The following PLCB1 variants were observed in gnomAD, a reference collection of about 807,000 sequenced individuals.
PLCB1 encodes 1-phosphatidylinositol 4,5-bisphosphate phosphodiesterase beta-1.
A neutral mutation model predicts 161.8 loss-of-function variants in PLCB1; 46 were observed. That is an observed-to-expected ratio of 0.28 (90% confidence interval 0.22 to 0.36). PLCB1 has a LOEUF of 0.36. PLCB1 is among the 10% of genes least tolerant of loss of function. The probability of loss-of-function intolerance (pLI) is 1.00; values close to 1 mark genes in which losing one functional copy is unlikely to be tolerated. For missense variants in PLCB1, 1,016 were observed against 1,472.5 expected, an observed-to-expected ratio of 0.69 and a Z score of 5.07; for synonymous variants, 517 against 503.7, an observed-to-expected ratio of 1.03 and a Z score of -0.35.
rs118098313 is a variant in PLCB1, at chr20:8,788,820, C to T, written c.3278+98C>T. On this transcript the variant is annotated intron_variant, in intron 29 of 31. Transcript: ENST00000338037. ...GTTCATAACCAGTCAAAGACTCCTTCGTGAAGTTTCTCCTCTAGTCAGCCT... is the reference window on the plus strand; with the variant it reads ...GTTCATAACCAGTCAAAGACTCCTTTGTGAAGTTTCTCCTCTAGTCAGCCT... 7.4e-4 allele frequency: 543 copies of T among 735,436 alleles called. 2 individuals carry two copies. In the East Asian group the frequency reaches 0.014, roughly 19 times the overall value. 45.6% of individuals were successfully genotyped at this position (735,436 alleles called of 1,614,324 possible).
intron 3 of PLCB1, among the ~76,000 whole-genome samples, chr20:8,612,305 G>A (rs1024922620): frequency 5.3e-5 from 8 of 152,168 alleles, no homozygotes; most frequent in Admixed American, 3.9e-4. Context: ...ATCAATTATT[G>A]TAGGAGAGGT....
chr20:8,586,634 TG>T (rs1555774252), intron 3 of PLCB1, among the ~76,000 whole-genome samples: 5 of 152,158 alleles, frequency 3.3e-5, no homozygotes, highest in Non-Finnish European at 4.4e-5. Flanking sequence ...TAGACCTTAG[TG>T]GTCACTCACA....
intron 24 of PLCB1, among the ~76,000 whole-genome samples, chr20:8,759,896 A>AAT (rs1981929045): frequency 1.3e-5 from 1 of 78,260 alleles, no homozygotes; most frequent in Non-Finnish European, 2.3e-5. Context: ...ATAATATCAC[A>AAT]TTTTTTTTTT....
chr20:8,503,334 TG>T (rs1045047064), intron 3 of PLCB1, among the ~76,000 whole-genome samples: 4 of 152,160 alleles, frequency 2.6e-5, no homozygotes, highest in African/African-American at 9.6e-5. Flanking sequence ...TAAGAGATAC[TG>T]CCCATGGTTT....
chr20:8,844,677 G>C (rs1986625890), intron 31 of PLCB1, among the ~76,000 whole-genome samples: 1 of 152,114 alleles, frequency 6.6e-6, no homozygotes. Flanking sequence ...AAACTAATGT[G>C]GTGCCAGTGT....
chr20:8,444,886 TG>T (rs1384197446), intron 3 of PLCB1, among the ~76,000 whole-genome samples: 3 of 152,106 alleles, frequency 2.0e-5, no homozygotes, highest in African/African-American at 2.4e-5. Flanking sequence ...GCCTACTTTT[TG>T]ATGAGGTTTT....
At chr20:8,782,494 G>T (rs6039264) in intron 27 of PLCB1, among the ~76,000 whole-genome samples, 88,744 of 151,810 alleles carry the variant, frequency 0.58, 26,933 homozygotes, top group Non-Finnish European at 0.66. Context: ...CTGGGCTTTA[G>T]TGGTCCTCCT....
chr20:8,309,257 T>C, intron 2 of PLCB1, among the ~76,000 whole-genome samples: 1 of 152,136 alleles, frequency 6.6e-6, no homozygotes, highest in East Asian at 1.9e-4. Context: ...TAAAAATGAT[T>C]TGATTAATCC....
At chr20:8,814,488 A>G (rs886533209) in intron 31 of PLCB1, among the ~76,000 whole-genome samples, 2 of 152,128 alleles carry the variant, frequency 1.3e-5, no homozygotes, top group African/African-American at 2.4e-5. Context: ...ACAGGGATTT[A>G]TAAGTAGTGT....
intron 2 of PLCB1, among the ~76,000 whole-genome samples, chr20:8,263,259 TAGTTAAGA>T (rs1483237770): frequency 6.6e-6 from 1 of 152,090 alleles, no homozygotes; most frequent in Non-Finnish European, 1.5e-5. Flanking sequence ...AACTCTGGAG[TAGTTAAGA>T]AATGAGGCAA....
chr20:8,626,914 A>C (rs1988365604), intron 3 of PLCB1, among the ~76,000 whole-genome samples: 1 of 152,174 alleles, frequency 6.6e-6, no homozygotes, highest in South Asian at 2.1e-4. Context: ...ATTCTCCTTT[A>C]ATCTTTCGTT....
intron 3 of PLCB1, among the ~76,000 whole-genome samples, chr20:8,548,325 TTTTC>T (rs1178312457): frequency 7.0e-6 from 1 of 142,256 alleles, no homozygotes; most frequent in Non-Finnish European, 1.5e-5. Flanking sequence ...TTCCATCATT[TTTTC>T]TTTCTCTTTG....
At chr20:8,747,562 A>G (rs1189515027) in intron 23 of PLCB1, among the ~76,000 whole-genome samples, 1 of 152,166 alleles carries the variant, frequency 6.6e-6, no homozygotes, top group Non-Finnish European at 1.5e-5. Context: ...TACTTTTTGT[A>G]TTGTCTGACT....
intron 3 of PLCB1, among the ~76,000 whole-genome samples, chr20:8,548,729 T>C (rs1357436445): frequency 6.7e-6 from 1 of 149,034 alleles, no homozygotes; most frequent in Non-Finnish European, 1.5e-5. Context: ...GTAAGCTCCG[T>C]GAGAACAGTG....
At chr20:8,189,960 A>G (rs1202760368) in intron 2 of PLCB1, among the ~76,000 whole-genome samples, 1 of 152,084 alleles carries the variant, frequency 6.6e-6, no homozygotes, top group African/African-American at 2.4e-5. Context: ...TAGAATGTCC[A>G]AGATTTAAGG....
chr20:8,566,457 TA>T (rs1986338052), intron 3 of PLCB1, among the ~76,000 whole-genome samples: 1 of 152,164 alleles, frequency 6.6e-6, no homozygotes, highest in Non-Finnish European at 1.5e-5. Context: ...CTGTGGAATG[TA>T]AAAAACAACA....
intron 3 of PLCB1, among the ~76,000 whole-genome samples, chr20:8,392,795 C>T (rs1987648947): frequency 1.3e-5 from 2 of 152,060 alleles, no homozygotes; most frequent in African/African-American, 4.8e-5. Flanking sequence ...TCTTAAATTC[C>T]TTCAATGTAC....
At chr20:8,475,837 G>A (rs1982254372) in intron 3 of PLCB1, among the ~76,000 whole-genome samples, 1 of 152,192 alleles carries the variant, frequency 6.6e-6, no homozygotes, top group African/African-American at 2.4e-5. Context: ...CTGGTAAAGA[G>A]TATATGCTAT....
intron 3 of PLCB1, among the ~76,000 whole-genome samples, chr20:8,578,524 G>C (rs758907191): frequency 2.6e-5 from 4 of 152,210 alleles, no homozygotes; most frequent in Non-Finnish European, 5.9e-5. Flanking sequence ...TGAGTTATTT[G>C]CAAGAAGAGT....
Sources: gnomAD v4.1 joint callset for allele counts (sites outside exome capture counted in the v4.1 genomes callset) on GRCh38, gnomAD v4.1.1 for gene constraint, MANE v1.5 for transcripts, NCBI Gene and HGNC (gene_info 2026-07-23, HGNC 2026-07-21) for gene names.